Variants in CNTNAP2 observed in about 807,000 individuals in gnomAD.
CNTNAP2 encodes the protein contactin associated protein 2, also known as contactin-associated protein-like 2.
Under a neutral mutation model 155.2 loss-of-function variants are expected in CNTNAP2, and 98 were observed. The observed-to-expected ratio is 0.63, with a 90% CI of 0.54 to 0.75. CNTNAP2 has a LOEUF of 0.75. Ranked by LOEUF, CNTNAP2 falls within the 30% of genes least tolerant of loss-of-function variation. CNTNAP2 has a pLI of 0.00. For missense variants in CNTNAP2, 1,727 were observed against 1,688.1 expected, an observed-to-expected ratio of 1.02 and a Z score of -0.40; for synonymous variants, 651 against 631.2, an observed-to-expected ratio of 1.03 and a Z score of -0.47.
intron 13 of CNTNAP2, among the ~76,000 whole-genome samples, chr7:147,709,407 C>G (rs973171408): frequency 6.6e-5 from 10 of 152,162 alleles, no homozygotes; most frequent in African/African-American, 2.4e-4. Flanking sequence ...CCAGACAACC[C>G]AACTTGCACA....
intron 10 of CNTNAP2, among the ~76,000 whole-genome samples, chr7:147,473,309 C>T (rs1310768909): frequency 6.6e-6 from 1 of 152,030 alleles, no homozygotes; most frequent in African/African-American, 2.4e-5. Flanking sequence ...ACATTAATGA[C>T]CACATATTGA....
At chr7:146,485,327 A>T (rs1797039493) in intron 1 of CNTNAP2, among the ~76,000 whole-genome samples, 1 of 152,226 alleles carries the variant, frequency 6.6e-6, no homozygotes. Context: ...AAGATGCATT[A>T]GTCACCTGTG....
intron 8 of CNTNAP2, among the ~76,000 whole-genome samples, chr7:147,180,484 C>A (rs1371809619): frequency 1.3e-5 from 2 of 151,930 alleles, no homozygotes; most frequent in East Asian, 3.9e-4. Flanking sequence ...AATAGAATTA[C>A]CAACTTAAAA....
intron 13 of CNTNAP2, among the ~76,000 whole-genome samples, chr7:147,852,820 ATC>A (rs1563111747): frequency 6.6e-6 from 1 of 152,154 alleles, no homozygotes; most frequent in African/African-American, 2.4e-5. Context: ...GAGACTACGG[ATC>A]CTCTGCTGGT....
chr7:146,157,898 G>T (rs889474550), intron 1 of CNTNAP2, among the ~76,000 whole-genome samples: 3 of 152,202 alleles, frequency 2.0e-5, no homozygotes, highest in African/African-American at 7.2e-5. Flanking sequence ...GGTTCTCCCA[G>T]CATGGAGTTT....
intron 2 of CNTNAP2, among the ~76,000 whole-genome samples, chr7:146,781,990 G>A (rs1006111382): frequency 6.6e-6 from 1 of 152,084 alleles, no homozygotes. Flanking sequence ...ACTCATGACC[G>A]CCCGAATCAG....
chr7:146,495,065 C>G (rs906272205), intron 1 of CNTNAP2, among the ~76,000 whole-genome samples: 7 of 152,114 alleles, frequency 4.6e-5, no homozygotes. Flanking sequence ...GAAGGAGGCG[C>G]TTTGGGCAAT....
intron 13 of CNTNAP2, among the ~76,000 whole-genome samples, chr7:147,802,159 G>A (rs549766813): frequency 6.1e-4 from 87 of 142,316 alleles, no homozygotes; most frequent in African/African-American, 1.9e-3. Flanking sequence ...GGGCAGAGGC[G>A]CTCCTCACAT....
chr7:148,253,641 C>G (rs1415121526), intron 20 of CNTNAP2, among the ~76,000 whole-genome samples: 1 of 152,106 alleles, frequency 6.6e-6, no homozygotes, highest in South Asian at 2.1e-4. Context: ...ACGCCGAGGC[C>G]TCTCTCTTCC....
intron 1 of CNTNAP2, among the ~76,000 whole-genome samples, chr7:146,622,414 T>C (rs1233821650): frequency 3.3e-5 from 5 of 152,060 alleles, no homozygotes; most frequent in African/African-American, 1.2e-4. Context: ...TGTATGCTCA[T>C]TGATAGTGGA....
chr7:147,505,825 C>T (rs568872460), intron 11 of CNTNAP2, among the ~76,000 whole-genome samples: 1 of 152,280 alleles, frequency 6.6e-6, no homozygotes, highest in East Asian at 1.9e-4. Context: ...CATTTCTTCC[C>T]TGTAGTGCCT....
intron 20 of CNTNAP2, among the ~76,000 whole-genome samples, chr7:148,242,966 G>T (rs1448762633): frequency 6.6e-6 from 1 of 152,142 alleles, no homozygotes; most frequent in Non-Finnish European, 1.5e-5. Flanking sequence ...AAATGTTAAG[G>T]AGAGGGGCAA....
chr7:147,405,595 C>T (rs1051722707), intron 10 of CNTNAP2, among the ~76,000 whole-genome samples: 2 of 152,140 alleles, frequency 1.3e-5, no homozygotes, highest in Admixed American at 1.3e-4. Context: ...GCAAGTCATA[C>T]TTGTTACTGT....
At chr7:147,546,084 C>T (rs1033964488) in intron 11 of CNTNAP2, among the ~76,000 whole-genome samples, 1 of 152,144 alleles carries the variant, frequency 6.6e-6, no homozygotes, top group Admixed American at 6.5e-5. Context: ...TACCCAGTCT[C>T]AGGTATATCT....
At chr7:147,912,896 C>T (rs1563132942) in intron 14 of CNTNAP2, among the ~76,000 whole-genome samples, 1 of 152,196 alleles carries the variant, frequency 6.6e-6, no homozygotes, top group African/African-American at 2.4e-5. Flanking sequence ...GCGTCAATCA[C>T]CTGGCCTGAA....
At chr7:147,178,390 C>T (rs1166284517) in intron 8 of CNTNAP2, among the ~76,000 whole-genome samples, 1 of 152,158 alleles carries the variant, frequency 6.6e-6, no homozygotes, top group Non-Finnish European at 1.5e-5. Context: ...GGCAAGGAAA[C>T]AGTTTCTTAC....
intron 12 of CNTNAP2, among the ~76,000 whole-genome samples, chr7:147,603,911 A>C (rs1014019347): frequency 7.2e-5 from 11 of 151,942 alleles, no homozygotes; most frequent in Admixed American, 5.2e-4. Flanking sequence ...CCTCAGAAAT[A>C]ACGCCGCATA....
At chr7:148,029,346 A>G (rs977532908) in intron 15 of CNTNAP2, among the ~76,000 whole-genome samples, 19 of 152,190 alleles carry the variant, frequency 1.2e-4, no homozygotes, top group Non-Finnish European at 2.6e-4. Context: ...GGCAGAAAAT[A>G]TGGAATTTTT....
chr7:147,389,427 T>C (rs1476733025), intron 9 of CNTNAP2, among the ~76,000 whole-genome samples: 1 of 152,212 alleles, frequency 6.6e-6, no homozygotes, highest in African/African-American at 2.4e-5. Flanking sequence ...TTCTGTCCCA[T>C]CAGATGAACA....
Sources: gnomAD v4.1 joint callset for allele counts (sites outside exome capture counted in the v4.1 genomes callset) on GRCh38, gnomAD v4.1.1 for gene constraint, MANE v1.5 for transcripts, NCBI Gene and HGNC (gene_info 2026-07-23, HGNC 2026-07-21) for gene names.